NCOR1: variants seen among roughly 807,000 people sequenced by gnomAD.
NCOR1 encodes protein phosphatase 1, regulatory subunit 109.
In NCOR1, 63 loss-of-function variants were observed where a neutral mutation model predicts 288.1. The observed-to-expected ratio is 0.22, with a 90% CI of 0.18 to 0.27. The LOEUF (loss-of-function observed/expected upper bound fraction) is 0.27, where lower values mean the gene tolerates loss of function less well. Among genes scored for constraint, NCOR1 ranks in the 10% least tolerant of loss-of-function variants. NCOR1 has a pLI of 1.00. For missense variants in NCOR1, 2,397 were observed against 3,019.2 expected (o/e 0.79, Z 4.83); for synonymous variants, 1,007 against 1,065.9 (o/e 0.94, Z 1.08).
intron 14 of NCOR1, 75 bp from the exon 15 acceptor site, chr17:16,126,281 C>CT (rs2074026460): frequency 2.8e-5 from 39 of 1,385,718 alleles, no homozygotes; most frequent in Non-Finnish European, 3.5e-5. Context: ...TAAATTATGT[C>CT]TATCTAAAAA....
At chr17:16,063,351 T>TTA (rs1302016505) in intron 35 of NCOR1, among the ~76,000 whole-genome samples, 1 of 151,798 alleles carries the variant, frequency 6.6e-6, no homozygotes, top group Non-Finnish European at 1.5e-5. Flanking sequence ...GGCTAATTTT[T>TTA]TATATATATA....
intron 21 of NCOR1, 114 bp from the exon 22 acceptor site, chr17:16,092,172 A>AT (rs2152911463): frequency 7.9e-7 from 1 of 1,267,628 alleles, no homozygotes; most frequent in South Asian, 1.4e-5. Flanking sequence ...TGATTTTATC[A>AT]TTTTTTAATC....
At chr17:16,215,012 C>T (rs562532321) in intron 1 of NCOR1, among the ~76,000 whole-genome samples, 1 of 152,346 alleles carries the variant, frequency 6.6e-6, no homozygotes, top group South Asian at 2.1e-4. Flanking sequence ...TGCGCCGGCC[C>T]CACCCGGGGC....
intron 1 of NCOR1, 84 bp downstream of exon 1, chr17:16,215,278 C>T (rs1372238613): frequency 2.6e-6 from 1 of 388,922 alleles, no homozygotes; most frequent in Non-Finnish European, 4.5e-6. Context: ...ACCGTCCCAG[C>T]GGCTGCTGCC....
Position 16,030,367 on chromosome 17 carries a change from G to C in NCOR1, c.*1929C>G. 4.6e-6 allele frequency: 1 copy of C among 216,438 alleles called. No individual in the cohort carries two copies. Among genetic ancestry groups the C allele is most frequent in the South Asian group, 1.9e-4 (1 of 5,362 alleles). The allele number at this position is 216,438 out of a possible 1,614,324, so 13.4% of individuals were successfully genotyped here. A position where few individuals can be genotyped will look rare whatever the true frequency, so the allele number is the denominator to read the frequency against. On this transcript the variant is annotated 3_prime_UTR_variant, in exon 46 of 46. Transcript: ENST00000268712. ...CAGTTCAAACCCGTGTTGTTCAAGG[G>C]TCAACTGTATTCTGACTCAGAATAG...
intron 8 of NCOR1, 92 bp from the exon 9 acceptor site, chr17:16,149,609 A>C (rs2078552979): frequency 2.0e-6 from 1 of 508,420 alleles, no homozygotes; most frequent in Non-Finnish European, 3.5e-6. Context: ...GAAAATAGGC[A>C]AAGATCACTT....
At chr17:16,087,737 AC>A (rs1336941051) in intron 22 of NCOR1, among the ~76,000 whole-genome samples, 3 of 152,124 alleles carry the variant, frequency 2.0e-5, no homozygotes, top group African/African-American at 7.2e-5. Context: ...GTTGAAGCTC[AC>A]TCCTTGCTAA....
chr17:16,168,700 G>T (rs1047518083), intron 4 of NCOR1, among the ~76,000 whole-genome samples: 3 of 152,126 alleles, frequency 2.0e-5, no homozygotes, highest in Non-Finnish European at 4.4e-5. Context: ...GCCAGCTGCA[G>T]TGGCTCACGC....
At chr17:16,125,495 G>A (rs1340074490) in intron 15 of NCOR1, among the ~76,000 whole-genome samples, 1 of 152,054 alleles carries the variant, frequency 6.6e-6, no homozygotes, top group Non-Finnish European at 1.5e-5. Flanking sequence ...ACGAGGTCAG[G>A]AGATGGAGAC....
At chr17:16,058,673 T>C (rs367556680) in intron 37 of NCOR1, 74 bp from the exon 38 acceptor site, 2 of 1,427,292 alleles carry the variant, frequency 1.4e-6, no homozygotes, top group South Asian at 1.3e-5. Context: ...TTCACACCTG[T>C]AGCATTTTTT....
Position 16,091,934 on chromosome 17 carries a change from T to C in NCOR1, c.2945A>G (p.Gln982Arg). The C allele has an allele frequency of 6.2e-7, 1 of 1,614,276 alleles. No homozygotes were observed. The highest frequency in any genetic ancestry group is 8.5e-7 in the Non-Finnish European group (1 of 1,180,048). ...LLEEQRQRQEQIDLECRSSTS... is the reference protein window; with the variant it reads ...LLEEQRQRQERIDLECRSSTS... ...AGAACTTCTACATTCCAAATCTATCTGTTCTTGTCTCTGCCGCTGCTCCTC... is the reference window on the plus strand; with the variant it reads ...AGAACTTCTACATTCCAAATCTATCCGTTCTTGTCTCTGCCGCTGCTCCTC... Residue 982 changes from glutamine (Q) to arginine (R), a missense_variant, in exon 22 of 46, where the codon CAG becomes CGG. This residue lies in a region of NCOR1 where 1,872 missense variants were observed against 2,187.8 expected (regional missense o/e 0.86). Transcript: ENST00000268712.
chr17:16,034,714 C>A, intron 45 of NCOR1, 51 bp downstream of exon 45: 1 of 1,469,794 alleles, frequency 6.8e-7, no homozygotes, highest in South Asian at 1.3e-5. Context: ...ATAACCAAGA[C>A]ATTGATATTA....
chr17:16,150,199 G>A (rs140523740), intron 8 of NCOR1, among the ~76,000 whole-genome samples: 78 of 152,062 alleles, frequency 5.1e-4, no homozygotes, highest in African/African-American at 1.8e-3. Context: ...TAAATACAAA[G>A]CCAAGGCAAG....
chr17:16,199,244 C>CAT (rs71353780), intron 1 of NCOR1, among the ~76,000 whole-genome samples: 2 of 137,624 alleles, frequency 1.5e-5, no homozygotes, highest in Non-Finnish European at 3.1e-5. Flanking sequence ...CACACACACA[C>CAT]TAGCAAAATC....
rs71353770 is a variant in NCOR1 at position 16,114,143 on chromosome 17, CAAA to C, written c.2055+3742_2055+3744del. Among the ~76,000 whole-genome samples the C allele has an allele frequency of 1.4e-3, 24 of 17,734 alleles. 1 individual carries two copies. Among genetic ancestry groups the C allele is most frequent in the African/African-American group, 3.6e-3 (19 of 5,284 alleles). The allele number at this position is 17,734 out of a possible 152,430, so 11.6% of individuals were successfully genotyped here. A position where few individuals can be genotyped will look rare whatever the true frequency, so the allele number is the denominator to read the frequency against. On this transcript the variant is annotated intron_variant, in intron 18 of 45. Coordinates refer to ENST00000268712, the MANE Select transcript of NCOR1 (RefSeq NM_006311.4). ...TAACGTCTTACATGATGGCGGCAGG[CAAA>C]AAAAAAAAAAAAAAAAAAAAAAACT...
At chr17:16,134,871 C>A (rs2076156104) in intron 14 of NCOR1, among the ~76,000 whole-genome samples, 1 of 152,058 alleles carries the variant, frequency 6.6e-6, no homozygotes, top group Non-Finnish European at 1.5e-5. Flanking sequence ...TAGAAATTTG[C>A]AGCTGAGGCC....
chr17:16,077,854 A>C (rs1413959484), intron 26 of NCOR1, among the ~76,000 whole-genome samples: 1 of 152,240 alleles, frequency 6.6e-6, no homozygotes, highest in East Asian at 1.9e-4. Context: ...ACCTAATATA[A>C]ATTTTCTAAT....
At chr17:16,131,959 C>G (rs955542570) in intron 14 of NCOR1, among the ~76,000 whole-genome samples, 1 of 152,160 alleles carries the variant, frequency 6.6e-6, no homozygotes, top group Admixed American at 6.5e-5. Context: ...GTGAAAGGAC[C>G]CACCTAGAGT....
chr17:16,154,737 T>C (rs1045756376), intron 6 of NCOR1, among the ~76,000 whole-genome samples: 2 of 152,126 alleles, frequency 1.3e-5, no homozygotes, highest in Non-Finnish European at 2.9e-5. Flanking sequence ...TGGAGAATCA[T>C]TAAATGGGAC....
Sources: gnomAD v4.1 joint callset for allele counts (sites outside exome capture counted in the v4.1 genomes callset) on GRCh38, gnomAD v4.1.1 for gene constraint, gnomAD v4.1.1 regional missense constraint, MANE v1.5 for transcripts, NCBI Gene and HGNC (gene_info 2026-07-23, HGNC 2026-07-21) for gene names.